PATL1: variants seen among roughly 807,000 people sequenced by gnomAD.
The protein encoded by PATL1 is PAT1 homolog 1, processing body mRNA decay factor.
In PATL1, 32 loss-of-function variants were observed where a neutral mutation model predicts 100.6. The ratio of observed to expected loss-of-function variants is 0.32; its 90% CI spans 0.24 to 0.43. PATL1 has a LOEUF of 0.43. Among genes scored for constraint, PATL1 ranks in the 20% least tolerant of loss-of-function variants. The pLI is 1.00. For synonymous variants in PATL1, 332 were observed against 330.0 expected (o/e 1.01, Z -0.07); for missense variants, 747 against 949.9 (o/e 0.79, Z 2.81).
At position 59,644,909 on chromosome 11, in the gene PATL1, T is replaced by TAA. The variant is rs1554983880; in HGVS notation, c.1894-1876_1894-1875dup. On this transcript the variant is annotated intron_variant, in intron 15 of 18. Transcript: ENST00000300146. ...CGTTTCCTTTTTTTTTTTTTTTTTT[T>TAA]AAAAAAAAAAAAAAAGCACAGTGCT... Among the ~76,000 whole-genome samples the TAA allele has an allele frequency of 1.4e-3, 154 of 111,540 alleles. 1 individual carries two copies. The highest frequency in any genetic ancestry group is 5.5e-3 in the African/African-American group (138 of 25,100). The allele number at this position is 111,540 out of a possible 152,430, so 73.2% of individuals were successfully genotyped here.
intron 8 of PATL1, among the ~76,000 whole-genome samples, chr11:59,654,830 T>A (rs1379276154): frequency 6.6e-6 from 1 of 152,198 alleles, no homozygotes; most frequent in Non-Finnish European, 1.5e-5. Context: ...ACATTTATAA[T>A]CAGTTGACCT....
At chr11:59,668,301 GT>G (rs1475321637) in intron 1 of PATL1, among the ~76,000 whole-genome samples, 1 of 152,114 alleles carries the variant, frequency 6.6e-6, no homozygotes, top group African/African-American at 2.4e-5. Context: ...CCAAACCCGC[GT>G]CTCCCAGCAC....
chr11:59,659,833 C>T (rs934958486), intron 2 of PATL1, among the ~76,000 whole-genome samples: 1 of 152,108 alleles, frequency 6.6e-6, no homozygotes, highest in Non-Finnish European at 1.5e-5. Context: ...AGCCACCACG[C>T]CCGGCCTACA....
intron 2 of PATL1, among the ~76,000 whole-genome samples, chr11:59,663,158 A>G (rs541891735): frequency 1.3e-5 from 2 of 152,300 alleles, no homozygotes; most frequent in South Asian, 4.1e-4. Context: ...AAAATGATAA[A>G]AGGTAGGCAA....
chr11:59,658,199 C>T (rs1196504495), intron 4 of PATL1, among the ~76,000 whole-genome samples: 1 of 151,502 alleles, frequency 6.6e-6, no homozygotes, highest in Non-Finnish European at 1.5e-5. Flanking sequence ...AGAGCAAGAA[C>T]AGTTGCATCA....
intron 14 of PATL1, among the ~76,000 whole-genome samples, chr11:59,648,137 T>G (rs910312570): frequency 2.0e-5 from 3 of 150,450 alleles, no homozygotes; most frequent in African/African-American, 7.3e-5. Flanking sequence ...ATTATATGGT[T>G]AAAAAAAACT....
chr11:59,639,971 TAA>T (rs1467728181), intron 16 of PATL1: 1 of 152,302 alleles, frequency 6.6e-6, no homozygotes. Context: ...ATCTAAAAAA[TAA>T]AAAGAGAGAA....
intron 10 of PATL1, 37 bp downstream of exon 10, chr11:59,652,801 C>T: frequency 6.3e-7 from 1 of 1,597,610 alleles, no homozygotes. Flanking sequence ...TGTAGGGGAC[C>T]AAACTATTAT....
At chr11:59,646,981 A>T (rs994176147) in intron 15 of PATL1, among the ~76,000 whole-genome samples, 1 of 152,082 alleles carries the variant, frequency 6.6e-6, no homozygotes, top group Admixed American at 6.6e-5. Flanking sequence ...GCACTTTGGG[A>T]GGCCAAGGCA....
At chr11:59,665,536 T>C (rs1477526793) in intron 2 of PATL1, among the ~76,000 whole-genome samples, 2 of 152,178 alleles carry the variant, frequency 1.3e-5, no homozygotes, top group African/African-American at 4.8e-5. Flanking sequence ...CGTGGTGGCT[T>C]GCACCTGTAA....
intron 1 of PATL1, 44 bp from the exon 2 acceptor site, chr11:59,667,008 C>T (rs1395193989): frequency 6.6e-7 from 1 of 1,518,554 alleles, no homozygotes; most frequent in Non-Finnish European, 8.8e-7. Context: ...AAATTCACAC[C>T]CTCATTTTAA....
Position 59,647,835 on chromosome 11 carries a change from G to A in PATL1, c.1812C>T (p.Leu604=), listed in dbSNP as rs1389652818. The change falls in exon 15 of 19, where the codon CTC becomes CTT. Residue 604 remains leucine (L), a synonymous_variant. Coordinates refer to ENST00000300146, the MANE Select transcript of PATL1 (RefSeq NM_152716.3). ...KRMVARILPF[L]STEQAADILM... ...GAATGTCAGCTGCTTGCTCTGTGGA[G>A]AGGAAAGGAAGAATACGGGCAACCA... 6.2e-7 allele frequency: 1 copy of A among 1,613,800 alleles called. No individual in the cohort carries two copies. The highest frequency in any genetic ancestry group is 2.2e-5 in the East Asian group (1 of 44,884).
chr11:59,650,646 T>A, intron 13 of PATL1, 108 bp downstream of exon 13: 1 of 769,990 alleles, frequency 1.3e-6, no homozygotes, highest in East Asian at 2.8e-5. Flanking sequence ...ATTCATGAAT[T>A]AAAACCAAAG....
At chr11:59,641,938 GT>G (rs1413103105) in intron 16 of PATL1, among the ~76,000 whole-genome samples, 1 of 152,186 alleles carries the variant, frequency 6.6e-6, no homozygotes, top group East Asian at 1.9e-4. Flanking sequence ...AGGTTTTCTG[GT>G]GCAAAGGAGC....
chr11:59,663,278 A>G (rs775492717), intron 2 of PATL1, among the ~76,000 whole-genome samples: 3 of 152,180 alleles, frequency 2.0e-5, no homozygotes, highest in Non-Finnish European at 4.4e-5. Flanking sequence ...TATACTTGTA[A>G]TAACCCCTGA....
intron 16 of PATL1, among the ~76,000 whole-genome samples, chr11:59,640,342 C>CAAA (rs1197181788): frequency 1.1e-5 from 1 of 89,638 alleles, no homozygotes; most frequent in Non-Finnish European, 2.5e-5. Flanking sequence ...ACTCCATCTC[C>CAAA]AAAAAAAAAA....
rs1288258187 is a variant in PATL1, at chr11:59,654,975, T to C, written c.1031+548A>G. Among the ~76,000 whole-genome samples the C allele has an allele frequency of 5.9e-5, 9 of 152,244 alleles. No homozygotes were observed. The East Asian group carries it at 1.7e-3, about 29-fold the overall frequency. On this transcript the variant is annotated intron_variant, in intron 8 of 18. Transcript: ENST00000300146. Reference sequence around the variant, plus strand: ...AACACAGAAATCCTGCTTGAGTGTCTTGACTGCTGACCTGCTATACTTATT... The same window carrying C: ...AACACAGAAATCCTGCTTGAGTGTCCTGACTGCTGACCTGCTATACTTATT...
chr11:59,647,608 A>C (rs1861382322), intron 15 of PATL1, 146 bp downstream of exon 15: 3 of 829,214 alleles, frequency 3.6e-6, no homozygotes, highest in South Asian at 1.6e-5. Flanking sequence ...TGAAATACTA[A>C]AGGTTTTGTT....
intron 4 of PATL1, among the ~76,000 whole-genome samples, chr11:59,658,287 A>G (rs1861568440): frequency 2.7e-5 from 4 of 150,762 alleles, no homozygotes; most frequent in Admixed American, 2.6e-4. Flanking sequence ...AACACTGATG[A>G]CCTCTCTGTC....
Sources: gnomAD v4.1 joint callset for allele counts (sites outside exome capture counted in the v4.1 genomes callset) on GRCh38, gnomAD v4.1.1 for gene constraint, MANE v1.5 for transcripts, NCBI Gene and HGNC (gene_info 2026-07-23, HGNC 2026-07-21) for gene names.